The following DMD variants were observed in gnomAD, a reference collection of about 807,000 sequenced individuals.
DMD encodes the protein mutant dystrophin.
DMD carries 63 observed loss-of-function variants against 330.1 expected under a neutral mutation model. The observed-to-expected ratio is 0.19, with a 90% confidence interval of 0.16 to 0.24. DMD has a LOEUF of 0.24. Among genes scored for constraint, DMD ranks in the 10% least tolerant of loss-of-function variants. DMD has a pLI of 1.00. For synonymous variants in DMD, 1,223 were observed against 959.8 expected (o/e 1.27, Z -5.07); for missense variants, 3,344 against 2,684.1 (o/e 1.25, Z -5.43).
intron 29 of DMD, among the ~76,000 whole-genome samples, chrX:32,416,701 T>G (rs939626622): frequency 1.8e-5 from 2 of 111,778 alleles, no homozygotes; most frequent in Non-Finnish European, 1.9e-5. Flanking sequence ...AGAAAGTGTC[T>G]TGGGATAGGA....
intron 61 of DMD, among the ~76,000 whole-genome samples, chrX:31,343,663 G>A (rs1201162166): frequency 9.1e-6 from 1 of 110,074 alleles, no homozygotes; most frequent in Non-Finnish European, 1.9e-5. Context: ...GAGACAGAGA[G>A]AGAGAGAGAA....
intron 11 of DMD, among the ~76,000 whole-genome samples, chrX:32,621,698 G>C (rs1167145793): frequency 2.7e-5 from 3 of 110,308 alleles, no homozygotes; most frequent in Non-Finnish European, 5.7e-5. Flanking sequence ...CAGAATGGCT[G>C]GGTGTGTGCA....
chrX:32,579,126 T>C (rs763663277), intron 13 of DMD, among the ~76,000 whole-genome samples: 7 of 111,678 alleles, frequency 6.3e-5, no homozygotes, highest in Admixed American at 3.8e-4. Context: ...AGGGTATGGC[T>C]TGGTTCTCAG....
At chrX:32,680,932 T>A (rs927070705) in intron 9 of DMD, among the ~76,000 whole-genome samples, 1 of 112,117 alleles carries the variant, frequency 8.9e-6, no homozygotes, top group Non-Finnish European at 1.9e-5. Flanking sequence ...TGGTACCTTC[T>A]CTAGCCTTAT....
intron 7 of DMD, among the ~76,000 whole-genome samples, chrX:32,768,137 T>G (rs1377703537): frequency 8.9e-6 from 1 of 111,929 alleles, no homozygotes; most frequent in Non-Finnish European, 1.9e-5. Flanking sequence ...GTTTATTAAT[T>G]TTATTTATAA....
intron 2 of DMD, among the ~76,000 whole-genome samples, chrX:32,910,684 G>A (rs1418511343): frequency 2.7e-5 from 3 of 111,447 alleles, no homozygotes; most frequent in Non-Finnish European, 5.7e-5. Context: ...CTCGTGATCC[G>A]CCTGCCTCGG....
intron 44 of DMD, among the ~76,000 whole-genome samples, chrX:32,199,573 G>A (rs1350666463): frequency 1.4e-5 from 1 of 73,934 alleles, no homozygotes; most frequent in Non-Finnish European, 2.8e-5. Context: ...TGTGAAGGAG[G>A]AGGGGTGTGA....
intron 2 of DMD, among the ~76,000 whole-genome samples, chrX:32,958,164 C>A (rs1011338710): frequency 9.0e-5 from 10 of 111,313 alleles, no homozygotes; most frequent in African/African-American, 2.6e-4. Context: ...GTTCCTAATT[C>A]TTGATCCAAG....
At chrX:31,602,380 G>A (rs1462488066) in intron 55 of DMD, among the ~76,000 whole-genome samples, 1 of 106,257 alleles carries the variant, frequency 9.4e-6, no homozygotes, top group Admixed American at 1.0e-4. Flanking sequence ...AGCCAAAACA[G>A]TCATTTTCAT....
At chrX:32,321,552 T>C (rs2097615149) in intron 41 of DMD, among the ~76,000 whole-genome samples, 1 of 111,321 alleles carries the variant, frequency 9.0e-6, no homozygotes, top group Non-Finnish European at 1.9e-5. Context: ...TACTACATGG[T>C]TGAGGACAGC....
chrX:33,229,572 T>C (rs1007043968), intron 1 of DMD, among the ~76,000 whole-genome samples: 11 of 111,782 alleles, frequency 9.8e-5, no homozygotes, highest in African/African-American at 3.6e-4. Context: ...TTTGCACATA[T>C]TTGTGCGGGT....
intron 47 of DMD, among the ~76,000 whole-genome samples, chrX:31,919,152 A>C (rs930053697): frequency 9.0e-6 from 1 of 111,626 alleles, no homozygotes; most frequent in African/African-American, 3.3e-5. Context: ...ATCACTGATA[A>C]AATACACATC....
chrX:32,187,767 A>G (rs193210588), intron 44 of DMD, among the ~76,000 whole-genome samples: 2 of 111,113 alleles, frequency 1.8e-5, no homozygotes, highest in Admixed American at 1.9e-4. Flanking sequence ...CAAAACCAGA[A>G]TTATTTTTTT....
chrX:32,230,864 A>G (rs2097166711), intron 43 of DMD, among the ~76,000 whole-genome samples: 1 of 112,129 alleles, frequency 8.9e-6, no homozygotes, highest in African/African-American at 3.2e-5. Flanking sequence ...AACAATAATC[A>G]TAATATCCAA....
At chrX:32,867,970 A>T (rs1047042718) in intron 2 of DMD, among the ~76,000 whole-genome samples, 1 of 110,875 alleles carries the variant, frequency 9.0e-6, no homozygotes, top group Non-Finnish European at 1.9e-5. Flanking sequence ...AGCTGCAGTC[A>T]GAGGCTCCCA....
chrX:32,992,058 C>T (rs2092992532), intron 2 of DMD, among the ~76,000 whole-genome samples: 1 of 111,261 alleles, frequency 9.0e-6, no homozygotes, highest in African/African-American at 3.3e-5. Context: ...GCTTTTTATG[C>T]CATTAAGTCT....
chrX:32,357,811 C>T (rs2097810637), intron 37 of DMD, among the ~76,000 whole-genome samples: 1 of 110,964 alleles, frequency 9.0e-6, no homozygotes, highest in South Asian at 3.8e-4. Flanking sequence ...TTATCATCCA[C>T]AACTAAGTTT....
chrX:31,724,624 T>C (rs772060421), intron 52 of DMD, among the ~76,000 whole-genome samples: 9 of 111,949 alleles, frequency 8.0e-5, no homozygotes, highest in Admixed American at 5.7e-4. Flanking sequence ...AGTCCTTCCC[T>C]TGGTTTAGCT....
chrX:31,363,849 T>C (rs1454110333), intron 60 of DMD, among the ~76,000 whole-genome samples: 1 of 112,502 alleles, frequency 8.9e-6, no homozygotes, highest in Non-Finnish European at 1.9e-5. Flanking sequence ...TTGGGACAAC[T>C]GAAAATGTCT....
Sources: gnomAD v4.1 joint callset for allele counts (sites outside exome capture counted in the v4.1 genomes callset) on GRCh38, gnomAD v4.1.1 for gene constraint, MANE v1.5 for transcripts, NCBI Gene and HGNC (gene_info 2026-07-23, HGNC 2026-07-21) for gene names.